CEP72: variants seen among roughly 807,000 people sequenced by gnomAD.
CEP72 encodes centrosomal protein 72.
A neutral mutation model predicts 65.7 loss-of-function variants in CEP72; 78 were observed. The ratio of observed to expected loss-of-function variants is 1.19; its 90% CI spans 0.99 to 1.43. The LOEUF is 1.43. Among genes scored for constraint, CEP72 ranks in the 40% most tolerant of loss-of-function variants. The probability of loss-of-function intolerance (pLI) is 0.00; values close to 1 mark genes in which losing one functional copy is unlikely to be tolerated. For missense variants in CEP72, 914 were observed against 832.9 expected, an observed-to-expected ratio of 1.10 and a Z score of -1.20; for synonymous variants, 358 against 351.7, an observed-to-expected ratio of 1.02 and a Z score of -0.20.
Position 636,047 on chromosome 5 carries a change from C to T in CEP72, c.904+463C>T, listed in dbSNP as rs116777345. Among the ~76,000 whole-genome samples the T allele has an allele frequency of 3.3e-3, 502 of 151,976 alleles. 5 individuals are homozygous for T. Among genetic ancestry groups the T allele is most frequent in the African/African-American group, 0.011 (472 of 41,500 alleles). On this transcript the variant is annotated intron_variant, in intron 6 of 11. Transcript: ENST00000264935. ...ACCTGTTCACCTCTTAAAGGCCCTC[C>T]GCTTAATACTGTTAGAGTGGCAATA...
At chr5:676,470 G>C in the CEP72 span, 1 of 152,298 alleles carries the variant, frequency 6.6e-6, no homozygotes, top group Non-Finnish European at 1.5e-5. Context: ...CCCTTGCAAA[G>C]CCAAGGCCGC....
At chr5:671,913 AG>A (rs1740237721), downstream of CEP72, among the ~76,000 whole-genome samples, 1 of 152,038 alleles carries the variant, frequency 6.6e-6, no homozygotes. Context: ...ACCACGGGGG[AG>A]GGGGAGGGGA....
At chr5:641,198 C>A (rs1737995908) in intron 9 of CEP72, 2 of 985,346 alleles carry the variant, frequency 2.0e-6, no homozygotes, top group Non-Finnish European at 2.4e-6. Context: ...ACCGTCTCAT[C>A]TGAGGCCTCA....
In CEP72 at chr5:624,516, A is replaced by G. The variant is rs746125634; in HGVS notation, c.449A>G (p.His150Arg). The G allele has an allele frequency of 4.3e-6, 7 of 1,614,180 alleles. No homozygotes were observed. The highest frequency in any genetic ancestry group is 3.3e-5 in the Admixed American group (2 of 60,034). ...RASERKASRL[H>R]FASEDSLDSK... is the part of the protein sequence containing the mutation. ...AGCGAGCGGAAGGCTTCCCGACTGC[A>G]TTTTGCATCAGAGGACTCACTCGAC... The change falls in exon 4 of 12, where the codon CAT (histidine) becomes CGT (arginine). Residue 150 changes from histidine (H) to arginine (R), a missense_variant. By Grantham distance (29) the His-to-Arg change is conservative. Coordinates refer to ENST00000264935, the MANE Select transcript of CEP72 (RefSeq NM_018140.4). The surrounding 1 kb of genome is among the most constrained non-coding windows in gnomAD (Gnocchi z 4.7).
downstream of CEP72, among the ~76,000 whole-genome samples, chr5:671,709 G>A (rs187422385): frequency 4.6e-5 from 7 of 152,324 alleles, no homozygotes; most frequent in Admixed American, 1.3e-4. Flanking sequence ...GGGTCCCCCC[G>A]CAGGGGCTCC....
At chr5:647,696 C>T (rs1311160240) in intron 10 of CEP72, 109 bp from the exon 11 acceptor site, 8 of 744,986 alleles carry the variant, frequency 1.1e-5, no homozygotes, top group Non-Finnish European at 1.8e-5. Context: ...CAGCTATATT[C>T]TTTTTCTGGT....
chr5:635,427 G>A lies in CEP72; in HGVS notation c.747G>A (p.Gly249=). The change falls in exon 6 of 12, where the codon GGG becomes GGA. Residue 249 remains glycine, a synonymous_variant. Coordinates refer to ENST00000264935, the MANE Select transcript of CEP72 (RefSeq NM_018140.4). ...TACAGTACCAGTGTGGGGACTCTGG[G>A]AAGCAGGGCCGTGAGACGAGGAGGA... ...QLVQYQCGDS[G]KQGRETRRSS... is the part of the protein sequence containing the mutation. 6.2e-7 allele frequency: 1 copy of A among 1,614,158 alleles called. No individual in the cohort carries two copies. The highest frequency in any genetic ancestry group is 1.1e-5 in the South Asian group (1 of 91,082).
At position 624,875 on chromosome 5, in the gene CEP72, C is replaced by T. The variant is rs917758495; in HGVS notation, c.512+296C>T. On this transcript the variant is annotated intron_variant, in intron 4 of 11. Coordinates refer to ENST00000264935, the MANE Select transcript of CEP72 (RefSeq NM_018140.4). The surrounding 1 kb of genome is among the most constrained non-coding windows in gnomAD (Gnocchi z 4.7). ...CCTTTCCCGGGGCTGGCAGCTCTCA[C>T]GTCTGTGGCTGCCTCTGCTTCCAGC... 4.6e-5 allele frequency among the ~76,000 whole-genome samples: 7 copies of T among 152,234 alleles called. No individual in the cohort carries two copies. Among genetic ancestry groups the T allele is most frequent in the African/African-American group, 1.7e-4 (7 of 41,460 alleles).
chr5:612,491 T>TGGGGGGGG, intron 1 of CEP72, 48 bp downstream of exon 1: 1 of 567,472 alleles, frequency 1.8e-6, no homozygotes, highest in Admixed American at 4.5e-5. Context: ...GGCGGGGGGG[T>TGGGGGGGG]GGGTGCCGAG....
At chr5:661,670 C>T (rs1384024779), downstream of CEP72, 1 of 152,392 alleles carries the variant, frequency 6.6e-6, no homozygotes, top group Non-Finnish European at 1.5e-5. Flanking sequence ...GTGGGGCTGC[C>T]GTCCAAACAA....
At position 653,440 on chromosome 5, in the gene CEP72, A is replaced by C. The variant is rs1167647096; in HGVS notation, c.*287A>C. ...GTATCCAGTATCCTGAGATGAAGTA[A>C]ATGCAGTGTTCTACTGCCTGATGTG... is the stretch of plus-strand genomic sequence containing the variant. On this transcript the variant is annotated 3_prime_UTR_variant, in exon 12 of 12. Transcript: ENST00000264935. 5.7e-5 allele frequency: 16 copies of C among 281,022 alleles called. No individual in the cohort carries two copies. Among genetic ancestry groups the C allele is most frequent in the Non-Finnish European group, 1.1e-4 (16 of 151,574 alleles). The allele number at this position is 281,022 out of a possible 1,614,324, so 17.4% of individuals were successfully genotyped here. A position where few individuals can be genotyped will look rare whatever the true frequency, so the allele number is the denominator to read the frequency against.
At chr5:654,416 C>G (rs1457684960), downstream of CEP72, among the ~76,000 whole-genome samples, 1 of 149,062 alleles carries the variant, frequency 6.7e-6, no homozygotes, top group Non-Finnish European at 1.5e-5. Flanking sequence ...TGCTTGTGTG[C>G]TAGCTGTGTG....
At chr5:664,273 C>T (rs1175103647) in intron 2 of CEP72, 3 of 152,458 alleles carry the variant, frequency 2.0e-5, no homozygotes, top group African/African-American at 4.8e-5. Flanking sequence ...CACTTCGTGT[C>T]TCTTGCCTGG....
intron 9 of CEP72, chr5:642,850 A>C: frequency 1.0e-6 from 1 of 985,406 alleles, no homozygotes; most frequent in South Asian, 4.7e-5. Flanking sequence ...GAAGCACCCA[A>C]GTTTACTCTG....
At chr5:654,081 G>GTGTGTGTGCTAGC (rs1739283257), downstream of CEP72, among the ~76,000 whole-genome samples, 2 of 67,502 alleles carry the variant, frequency 3.0e-5, no homozygotes, top group African/African-American at 5.7e-5. Context: ...TGTGCGCCTA[G>GTGTGTGTGCTAGC]TGTGTGTGTG....
At chr5:634,259 A>G (rs1025299015) in intron 5 of CEP72, among the ~76,000 whole-genome samples, 2 of 152,238 alleles carry the variant, frequency 1.3e-5, no homozygotes, top group Non-Finnish European at 2.9e-5. Flanking sequence ...TGGGGCTGAC[A>G]TCTGCGGCAG....
downstream of CEP72, among the ~76,000 whole-genome samples, chr5:659,636 A>G (rs71597661): frequency 3.9e-3 from 590 of 152,306 alleles, 3 homozygotes; most frequent in Non-Finnish European, 6.5e-3. Flanking sequence ...GTGCTAGAGC[A>G]GGACTCACAC....
rs756819266 is a variant in CEP72, at chr5:653,336, A to G, written c.*183A>G. ...GTTTTCTAAAGCACCTCGTAAAATG[A>G]TATGATTACTCCAAGCCCTCTGCAT... On this transcript the variant is annotated 3_prime_UTR_variant, in exon 12 of 12. Coordinates refer to ENST00000264935, the MANE Select transcript of CEP72 (RefSeq NM_018140.4). 5.6e-6 allele frequency: 3 copies of G among 536,076 alleles called. No individual in the cohort carries two copies. Among genetic ancestry groups the G allele is most frequent in the Non-Finnish European group, 9.6e-6 (3 of 312,860 alleles). The allele number at this position is 536,076 out of a possible 1,614,324, so 33.2% of individuals were successfully genotyped here. A position where few individuals can be genotyped will look rare whatever the true frequency, so the allele number is the denominator to read the frequency against.
intron 9 of CEP72, chr5:643,570 A>G (rs1738205639): frequency 2.0e-6 from 2 of 985,254 alleles, no homozygotes; most frequent in Admixed American, 6.1e-5. Flanking sequence ...TCTGCTGCAC[A>G]GACTCAGGCG....
Sources: gnomAD v4.1 joint callset for allele counts (sites outside exome capture counted in the v4.1 genomes callset) on GRCh38, gnomAD v4.1.1 for gene constraint, Gnocchi (gnomAD v3.1) non-coding constraint, MANE v1.5 for transcripts, NCBI Gene and HGNC (gene_info 2026-07-23, HGNC 2026-07-21) for gene names.